Variants in RAB10 observed in about 807,000 individuals in gnomAD.
RAB10 encodes RAB10, member RAS oncogene family.
Under a neutral mutation model 25.7 loss-of-function variants are expected in RAB10, and 5 were observed. The ratio of observed to expected loss-of-function variants is 0.19; its 90% CI spans 0.10 to 0.41. The LOEUF (loss-of-function observed/expected upper bound fraction) is 0.41. Among genes scored for constraint, RAB10 ranks in the 10% least tolerant of loss-of-function variants. The probability of loss-of-function intolerance (pLI) is 1.00; values close to 1 mark genes in which losing one functional copy is unlikely to be tolerated. For synonymous variants in RAB10, 89 were observed against 86.4 expected (o/e 1.03, Z -0.16); for missense variants, 103 against 245.8 (o/e 0.42, Z 3.89).
chr2:26,119,491 G>A (rs1470696977), intron 3 of RAB10, among the ~76,000 whole-genome samples: 2 of 151,470 alleles, frequency 1.3e-5, no homozygotes, highest in African/African-American at 4.8e-5. Flanking sequence ...ATTCAAAGAA[G>A]TGTATCCCAA....
intron 1 of RAB10, among the ~76,000 whole-genome samples, chr2:26,044,766 A>G (rs1041923012): frequency 6.6e-5 from 10 of 151,862 alleles, no homozygotes; most frequent in African/African-American, 2.4e-4. Context: ...GGCTGGTCTC[A>G]AACTCCTGAC....
intron 3 of RAB10, among the ~76,000 whole-genome samples, chr2:26,126,025 A>T (rs1305747913): frequency 6.6e-6 from 1 of 151,956 alleles, no homozygotes; most frequent in East Asian, 1.9e-4. Flanking sequence ...GTTCAAGTTA[A>T]TTTTTTTATA....
chr2:26,065,229 GAAAA>G (rs886945271), intron 1 of RAB10, among the ~76,000 whole-genome samples: 3 of 147,434 alleles, frequency 2.0e-5, no homozygotes, highest in African/African-American at 7.5e-5. Context: ...AAAAGAAAAA[GAAAA>G]AAAAAACATG....
chr2:26,070,817 G>A (rs1325275524), intron 1 of RAB10, among the ~76,000 whole-genome samples: 2 of 152,142 alleles, frequency 1.3e-5, no homozygotes, highest in Non-Finnish European at 2.9e-5. Context: ...CTCACCAAAT[G>A]TAATTGTTTC....
chr2:26,107,585 C>T (rs1488701198), intron 2 of RAB10, among the ~76,000 whole-genome samples: 1 of 152,096 alleles, frequency 6.6e-6, no homozygotes, highest in East Asian at 1.9e-4. Context: ...CACCTGAGGT[C>T]AGGAGTTTGA....
chr2:26,073,576 C>T (rs1248092579), intron 1 of RAB10, among the ~76,000 whole-genome samples: 1 of 152,190 alleles, frequency 6.6e-6, no homozygotes, highest in Non-Finnish European at 1.5e-5. Context: ...CAGAACTCAG[C>T]TTGCAAGGGA....
intron 2 of RAB10, among the ~76,000 whole-genome samples, 192 bp downstream of exon 2, chr2:26,098,914 T>C: frequency 6.6e-6 from 1 of 152,188 alleles, no homozygotes; most frequent in Non-Finnish European, 1.5e-5. Context: ...CTTTTCTACT[T>C]ACCGTGTGAA....
intron 1 of RAB10, among the ~76,000 whole-genome samples, chr2:26,047,962 G>A (rs1666051118): frequency 1.3e-5 from 2 of 151,444 alleles, no homozygotes; most frequent in South Asian, 4.2e-4. Context: ...CTGACCTCAG[G>A]TGATCTGCCG....
At chr2:26,070,325 T>C (rs1048021152) in intron 1 of RAB10, among the ~76,000 whole-genome samples, 3 of 152,242 alleles carry the variant, frequency 2.0e-5, no homozygotes, top group Admixed American at 6.5e-5. Context: ...CAAGTAGTTG[T>C]GTGATTTCAG....
chr2:26,119,282 G>A (rs1667755583), intron 3 of RAB10, among the ~76,000 whole-genome samples: 1 of 152,130 alleles, frequency 6.6e-6, no homozygotes, highest in East Asian at 1.9e-4. Context: ...ATGGCGGTGA[G>A]TACCTGTAGT....
At chr2:26,055,954 G>A (rs1293750749) in intron 1 of RAB10, among the ~76,000 whole-genome samples, 1 of 151,878 alleles carries the variant, frequency 6.6e-6, no homozygotes, top group Non-Finnish European at 1.5e-5. Flanking sequence ...GAGCGCAGTG[G>A]CACAATCACA....
intron 1 of RAB10, among the ~76,000 whole-genome samples, chr2:26,063,847 G>A (rs1666460540): frequency 6.6e-6 from 1 of 152,170 alleles, no homozygotes; most frequent in Admixed American, 6.5e-5. Flanking sequence ...GCCCAGGCTG[G>A]AGTGCAGTGG....
chr2:26,097,685 A>G (rs562463554), intron 1 of RAB10, among the ~76,000 whole-genome samples: 33 of 152,308 alleles, frequency 2.2e-4, no homozygotes, highest in African/African-American at 7.0e-4. Context: ...TTGCTGTTAG[A>G]TGGAGATTTC....
At chr2:26,066,913 G>A (rs1372188030) in intron 1 of RAB10, among the ~76,000 whole-genome samples, 1 of 151,630 alleles carries the variant, frequency 6.6e-6, no homozygotes, top group Non-Finnish European at 1.5e-5. Context: ...CTCTTGAGTA[G>A]CTGGGACTAC....
chr2:26,041,105 TAATG>T (rs1298439183), intron 1 of RAB10, among the ~76,000 whole-genome samples: 5 of 151,868 alleles, frequency 3.3e-5, no homozygotes, highest in Non-Finnish European at 7.4e-5. Flanking sequence ...GCACCATAAA[TAATG>T]AATGAAGGCA....
In RAB10 at chr2:26,050,788, T is replaced by C. The variant is rs141760828; in HGVS notation, c.127+16053T>C. 4.2e-3 allele frequency among the ~76,000 whole-genome samples: 642 copies of C among 152,008 alleles called. 5 individuals are homozygous for C. Among genetic ancestry groups the C allele is most frequent in the African/African-American group, 0.015 (621 of 41,452 alleles). On this transcript the variant is annotated intron_variant, in intron 1 of 5. Transcript: ENST00000264710. ...ACAGGTGCATACCACCACACGTGGC[T>C]AATTTTTTCTCTTTTTTTTCTATAC...
At chr2:26,058,799 C>G (rs887084129) in intron 1 of RAB10, among the ~76,000 whole-genome samples, 5 of 152,158 alleles carry the variant, frequency 3.3e-5, no homozygotes, top group Admixed American at 1.3e-4. Context: ...TCAGTGAAGT[C>G]TTCCCTTTCT....
intron 3 of RAB10, among the ~76,000 whole-genome samples, chr2:26,115,085 C>CT (rs1172856312): frequency 4.6e-5 from 7 of 152,170 alleles, no homozygotes; most frequent in African/African-American, 1.7e-4. Flanking sequence ...AGGACAGACT[C>CT]TAACAAGCGT....
At chr2:26,092,003 C>G (rs531898010) in intron 1 of RAB10, among the ~76,000 whole-genome samples, 95 of 151,998 alleles carry the variant, frequency 6.3e-4, no homozygotes, top group African/African-American at 2.0e-3. Flanking sequence ...GAAACCCTGA[C>G]TTTACTAAAA....
Sources: gnomAD v4.1 joint callset for allele counts (sites outside exome capture counted in the v4.1 genomes callset) on GRCh38, gnomAD v4.1.1 for gene constraint, MANE v1.5 for transcripts, NCBI Gene and HGNC (gene_info 2026-07-23, HGNC 2026-07-21) for gene names.